Variants in OVCH1 observed in about 807,000 individuals in gnomAD.
The protein encoded by OVCH1 is ovochymase-1.
OVCH1 carries 139 observed loss-of-function variants against 138.4 expected under a neutral mutation model. The observed-to-expected ratio is 1.00, with a 90% CI of 0.87 to 1.16. The LOEUF is 1.16. OVCH1 is among the 50% of genes most tolerant of loss of function. The pLI is 0.00. For missense variants in OVCH1, 1,367 were observed against 1,357.9 expected (o/e 1.01, Z -0.11); for synonymous variants, 453 against 467.8 (o/e 0.97, Z 0.41).
At chr12:29,413,562 T>C (rs886537041) in intron 3 of OVCH1, among the ~76,000 whole-genome samples, 2 of 152,194 alleles carry the variant, frequency 1.3e-5, no homozygotes, top group African/African-American at 4.8e-5. Context: ...TCATAAAATA[T>C]ATTGATATAT....
At chr12:29,490,397 T>TA (rs1253235416) in intron 5 of OVCH1, among the ~76,000 whole-genome samples, 4 of 152,142 alleles carry the variant, frequency 2.6e-5, no homozygotes, top group Non-Finnish European at 2.9e-5. Context: ...ATTTATAAAA[T>TA]AAAAAATCAC....
At chr12:29,424,598 G>A (rs912595028), downstream of OVCH1, among the ~76,000 whole-genome samples, 4 of 152,312 alleles carry the variant, frequency 2.6e-5, no homozygotes, top group South Asian at 2.1e-4. Context: ...AGTGCTTACA[G>A]GCACAGATTC....
downstream of OVCH1, among the ~76,000 whole-genome samples, chr12:29,409,523 G>T: frequency 6.6e-6 from 1 of 151,940 alleles, no homozygotes; most frequent in Non-Finnish European, 1.5e-5. Flanking sequence ...GTTCTCATTG[G>T]TTTCAGAGAA....
At chr12:29,472,658 G>T (rs1225801952) in intron 15 of OVCH1, among the ~76,000 whole-genome samples, 1 of 152,172 alleles carries the variant, frequency 6.6e-6, no homozygotes, top group African/African-American at 2.4e-5. Flanking sequence ...TATTTACCCA[G>T]ATGCCTTAGA....
At chr12:29,416,776 A>C (rs139087529) in intron 3 of OVCH1, among the ~76,000 whole-genome samples, 38 of 152,336 alleles carry the variant, frequency 2.5e-4, no homozygotes, top group African/African-American at 8.9e-4. Flanking sequence ...TGCAATTTCC[A>C]TATAACCCAG....
At chr12:29,410,877 G>T (rs1940945495), downstream of OVCH1, among the ~76,000 whole-genome samples, 2 of 151,598 alleles carry the variant, frequency 1.3e-5, no homozygotes, top group East Asian at 3.9e-4. Context: ...GATTGGGGAA[G>T]TTCTCCTGGA....
At chr12:29,442,577 C>CT (rs1392341623) in intron 25 of OVCH1, among the ~76,000 whole-genome samples, 1 of 151,086 alleles carries the variant, frequency 6.6e-6, no homozygotes, top group Non-Finnish European at 1.5e-5. Flanking sequence ...ACATATGTAA[C>CT]TAACTGCACA....
chr12:29,445,131 TTAAG>T, intron 23 of OVCH1, 143 bp downstream of exon 23: 1 of 880,254 alleles, frequency 1.1e-6, no homozygotes, highest in South Asian at 2.2e-5. Context: ...CTTAGGTGAC[TTAAG>T]TAGATTTTCC....
At chr12:29,408,947 T>G (rs1940917790), downstream of OVCH1, among the ~76,000 whole-genome samples, 4 of 152,188 alleles carry the variant, frequency 2.6e-5, no homozygotes, top group African/African-American at 9.7e-5. Context: ...CTGGACTCTT[T>G]TTGGTTGGTA....
chr12:29,473,362 C>T (rs116525637), intron 14 of OVCH1, among the ~76,000 whole-genome samples: 19 of 152,080 alleles, frequency 1.2e-4, no homozygotes, highest in South Asian at 1.0e-3. Context: ...ACATTGATGG[C>T]TGTTTTCAAT....
the OVCH1 span, among the ~76,000 whole-genome samples, chr12:29,404,096 A>G: frequency 1.3e-5 from 2 of 152,232 alleles, no homozygotes; most frequent in Non-Finnish European, 2.9e-5. Context: ...CTGAAAAGAC[A>G]TTCATTTTTC....
chr12:29,406,526 G>A, the OVCH1 span, among the ~76,000 whole-genome samples: 7 of 152,024 alleles, frequency 4.6e-5, no homozygotes, highest in African/African-American at 7.2e-5. Flanking sequence ...TCATTGTTCA[G>A]TTCCCACCTA....
At chr12:29,466,868 T>C (rs1287452096) in intron 16 of OVCH1, among the ~76,000 whole-genome samples, 4 of 152,162 alleles carry the variant, frequency 2.6e-5, no homozygotes, top group African/African-American at 9.7e-5. Flanking sequence ...TCCATTTAAT[T>C]CTTCCATTTC....
At chr12:29,444,099 T>G in intron 24 of OVCH1, 46 bp downstream of exon 24, 1 of 1,542,172 alleles carries the variant, frequency 6.5e-7, no homozygotes, top group Non-Finnish European at 8.7e-7. Context: ...AGTCAAGCAA[T>G]TTTTTCCACA....
At chr12:29,464,541 G>T in exon 18 of OVCH1, 1 of 1,613,514 alleles carries the variant, frequency 6.2e-7, no homozygotes, top group South Asian at 1.1e-5. Context: ...TCACAGCACA[G>T]ATCTCCGAGG....
intron 14 of OVCH1, 121 bp downstream of exon 14, chr12:29,474,940 C>A: frequency 8.6e-7 from 1 of 1,168,558 alleles, no homozygotes; most frequent in South Asian, 1.8e-5. Context: ...CAGAAATCTG[C>A]ATTTTTGTTA....
downstream of OVCH1, among the ~76,000 whole-genome samples, chr12:29,408,798 G>A (rs1320041858): frequency 2.0e-5 from 3 of 151,402 alleles, no homozygotes; most frequent in African/African-American, 7.3e-5. Context: ...GCCAGGCTTT[G>A]GTATCAGGAT....
At chr12:29,478,760 T>C (rs1942827157) in intron 9 of OVCH1, 75 bp downstream of exon 10, 1 of 1,085,180 alleles carries the variant, frequency 9.2e-7, no homozygotes, top group Non-Finnish European at 1.2e-6. Context: ...GAAATTTTAT[T>C]TTAGATCCTT....
intron 14 of OVCH1, among the ~76,000 whole-genome samples, 183 bp downstream of exon 14, chr12:29,474,878 A>G (rs902089909): frequency 6.6e-6 from 1 of 152,184 alleles, no homozygotes; most frequent in Admixed American, 6.5e-5. Flanking sequence ...TAAAGCACAG[A>G]TTCCTGGGCC....
Sources: allele counts gnomAD v4.1 joint callset (sites outside exome capture counted in the v4.1 genomes callset), GRCh38; gene constraint gnomAD v4.1.1; transcripts MANE v1.5; gene names NCBI Gene and HGNC (gene_info 2026-07-23, HGNC 2026-07-21).